The following ANKRD11 variants were observed in gnomAD, a reference collection of about 807,000 sequenced individuals.
ANKRD11 encodes ankyrin repeat domain-containing protein 11.
ANKRD11 carries 17 observed loss-of-function variants against 195.7 expected under a neutral mutation model. The observed-to-expected ratio is 0.09, with a 90% CI of 0.06 to 0.13. The LOEUF is 0.13. ANKRD11 is among the 10% of genes least tolerant of loss of function. ANKRD11 has a pLI of 1.00. For missense variants in ANKRD11, 3,735 were observed against 3,566.1 expected, an observed-to-expected ratio of 1.05 and a Z score of -1.21; for synonymous variants, 1,953 against 1,528.1, an observed-to-expected ratio of 1.28 and a Z score of -6.49.
intron 2 of ANKRD11, among the ~76,000 whole-genome samples, chr16:89,331,671 A>T (rs2038074952): frequency 6.6e-6 from 1 of 152,208 alleles, no homozygotes; most frequent in African/African-American, 2.4e-5. Context: ...CCCAGGCTGC[A>T]GTGTAATTAA....
chr16:89,430,014 T>C (rs371134846), intron 1 of ANKRD11, among the ~76,000 whole-genome samples: 1,605 of 74,100 alleles, frequency 0.022, 4 homozygotes, highest in Admixed American at 0.032. Context: ...ACAGCAGGGA[T>C]TCTCAACTCT....
At chr16:89,395,872 C>A (rs766685166) in intron 2 of ANKRD11, 2 of 152,210 alleles carry the variant, frequency 1.3e-5, no homozygotes, top group Admixed American at 6.5e-5. Context: ...ACTGTTTCAA[C>A]GCACTACGTC....
Position 89,279,096 on chromosome 16 carries a change from C to T in ANKRD11, c.7446G>A (p.Pro2482=), listed in dbSNP as rs2033929635. Reference sequence around the variant, plus strand: ...CCACGGGGATGTGGAGCTTGCTGAGCGGCTTGCCGTCCAGGAGGTAGGAGC... The same window carrying T: ...CCACGGGGATGTGGAGCTTGCTGAGTGGCTTGCCGTCCAGGAGGTAGGAGC... ...YTGSYLLDGK[P]LSKLHIPVIA... Residue 2482 remains proline, a synonymous_variant, in exon 9 of 13, where the codon CCG becomes CCA. Coordinates refer to ENST00000301030, the MANE Select transcript of ANKRD11 (RefSeq NM_013275.6). The surrounding 1 kb of genome is among the most constrained non-coding windows in gnomAD (Gnocchi z 5.6). 6.2e-7 allele frequency: 1 copy of T among 1,613,970 alleles called. No homozygotes were observed. The highest frequency in any genetic ancestry group is 1.1e-5 in the South Asian group (1 of 91,070).
intron 2 of ANKRD11, among the ~76,000 whole-genome samples, chr16:89,383,819 G>C (rs1054205174): frequency 6.6e-6 from 1 of 152,200 alleles, no homozygotes; most frequent in African/African-American, 2.4e-5. Context: ...AGAGGGCAAA[G>C]GTGCAGACTC....
chr16:89,483,731 G>A (rs1166980209), intron 1 of ANKRD11, among the ~76,000 whole-genome samples: 1 of 152,034 alleles, frequency 6.6e-6, no homozygotes, highest in Non-Finnish European at 1.5e-5. Context: ...GGGAAGATGA[G>A]GTAGGAGAAT....
chr16:89,270,660 G>T, intron 12 of ANKRD11, 157 bp downstream of exon 12: 1 of 760,048 alleles, frequency 1.3e-6, no homozygotes. Flanking sequence ...CTCCCCGAAA[G>T]CATCGGCCAG....
At chr16:89,436,857 C>A (rs1268216426) in intron 1 of ANKRD11, among the ~76,000 whole-genome samples, 1 of 152,204 alleles carries the variant, frequency 6.6e-6, no homozygotes, top group Admixed American at 6.5e-5. Flanking sequence ...ATTGCCGAAG[C>A]TTTGTGTTTT....
At chr16:89,482,667 T>C (rs1017876021) in intron 1 of ANKRD11, among the ~76,000 whole-genome samples, 3 of 152,186 alleles carry the variant, frequency 2.0e-5, no homozygotes, top group Non-Finnish European at 4.4e-5. Context: ...GCTCCATGCC[T>C]GTAATTCCAG....
intron 2 of ANKRD11, among the ~76,000 whole-genome samples, chr16:89,408,044 C>T (rs1193198803): frequency 6.6e-6 from 1 of 152,124 alleles, no homozygotes; most frequent in Admixed American, 6.5e-5. Flanking sequence ...GTGGTAGTGC[C>T]CCTGCCCTCA....
chr16:89,419,252 G>C (rs1272850923), intron 1 of ANKRD11, among the ~76,000 whole-genome samples: 3 of 151,844 alleles, frequency 2.0e-5, no homozygotes, highest in South Asian at 4.1e-4. Flanking sequence ...ATGAGTTCAA[G>C]ACCAGCCTGG....
chr16:89,375,429 C>T (rs1036645205), intron 2 of ANKRD11, among the ~76,000 whole-genome samples: 4 of 151,218 alleles, frequency 2.6e-5, no homozygotes, highest in Non-Finnish European at 5.9e-5. Flanking sequence ...CAAGCCGCTG[C>T]GCTCCCGCCC....
intron 2 of ANKRD11, among the ~76,000 whole-genome samples, chr16:89,380,872 G>C (rs138566930): frequency 6.6e-6 from 1 of 152,324 alleles, no homozygotes; most frequent in African/African-American, 2.4e-5. Context: ...GCCTACACGG[G>C]GCAATGCAGC....
intron 12 of ANKRD11, among the ~76,000 whole-genome samples, 165 bp from the exon 13 acceptor site, chr16:89,268,828 G>T (rs985822981): frequency 6.6e-6 from 1 of 152,220 alleles, no homozygotes; most frequent in Non-Finnish European, 1.5e-5. Flanking sequence ...GTTACTACAC[G>T]TGGCGGTAGC....
At chr16:89,379,158 GC>G (rs996428934) in intron 2 of ANKRD11, among the ~76,000 whole-genome samples, 1 of 152,222 alleles carries the variant, frequency 6.6e-6, no homozygotes, top group African/African-American at 2.4e-5. Flanking sequence ...CCCCATGCCT[GC>G]CCCGGCACAC....
chr16:89,311,655 C>T (rs1290400600), intron 3 of ANKRD11, among the ~76,000 whole-genome samples: 1 of 152,136 alleles, frequency 6.6e-6, no homozygotes, highest in Non-Finnish European at 1.5e-5. Context: ...CTTCTGTGAC[C>T]TTCGTTTGCC....
intron 1 of ANKRD11, among the ~76,000 whole-genome samples, chr16:89,423,948 C>G (rs761836720): frequency 6.6e-6 from 1 of 152,014 alleles, no homozygotes; most frequent in Non-Finnish European, 1.5e-5. Context: ...GGTAAGAGGA[C>G]AGGGTACAAC....
At chr16:89,315,673 G>A (rs2036911511) in intron 3 of ANKRD11, among the ~76,000 whole-genome samples, 2 of 152,272 alleles carry the variant, frequency 1.3e-5, no homozygotes, top group African/African-American at 4.8e-5. Flanking sequence ...GAGCAAGTGG[G>A]AGCAGACACT....
intron 2 of ANKRD11, chr16:89,392,759 C>T (rs553622403): frequency 4.0e-5 from 6 of 148,808 alleles, no homozygotes; most frequent in Admixed American, 3.4e-4. Flanking sequence ...AGAACCTGCA[C>T]TTAAGCAAAC....
At chr16:89,460,775 G>T (rs2056626359) in intron 1 of ANKRD11, among the ~76,000 whole-genome samples, 1 of 152,074 alleles carries the variant, frequency 6.6e-6, no homozygotes, top group Non-Finnish European at 1.5e-5. Context: ...ACCTGCAGGG[G>T]GTAGTCACAA....
Sources: gnomAD v4.1 joint callset for allele counts (sites outside exome capture counted in the v4.1 genomes callset) on GRCh38, gnomAD v4.1.1 for gene constraint, Gnocchi (gnomAD v3.1) non-coding constraint, MANE v1.5 for transcripts, NCBI Gene and HGNC (gene_info 2026-07-23, HGNC 2026-07-21) for gene names.